The following FAM227A variants were observed in gnomAD, a reference collection of about 807,000 sequenced individuals.
The protein encoded by FAM227A is protein FAM227A.
FAM227A carries 80 observed loss-of-function variants against 74.7 expected under a neutral mutation model. That is an observed-to-expected ratio of 1.07 (90% confidence interval 0.89 to 1.29). FAM227A has a LOEUF of 1.29. Ranked by LOEUF, FAM227A falls within the 50% of genes most tolerant of loss-of-function variation. FAM227A has a pLI of 0.00. For synonymous variants in FAM227A, 237 were observed against 241.8 expected (o/e 0.98, Z 0.19); for missense variants, 654 against 683.4 (o/e 0.96, Z 0.48).
At chr22:38,647,105 T>G (rs2145725545) in intron 2 of FAM227A, among the ~76,000 whole-genome samples, 1 of 151,516 alleles carries the variant, frequency 6.6e-6, no homozygotes, top group East Asian at 2.0e-4. Context: ...GCCAAGATCG[T>G]GCCACGGCAC....
At position 38,650,071 on chromosome 22, in the gene FAM227A, G is replaced by C; in HGVS notation, c.98C>G (p.Thr33Arg). 6.4e-7 allele frequency: 1 copy of C among 1,552,208 alleles called. No individual in the cohort carries two copies. The highest frequency in any genetic ancestry group is 8.7e-7 in the Non-Finnish European group (1 of 1,147,120). Reference protein sequence around the residue: ...HLAVSLVARNTMVKTVRKELE... With the variant: ...HLAVSLVARNRMVKTVRKELE... ...CTCCTTCCTCACAGTCTTCACCATT[G>C]TATTCCGTGCGACAAGCGAGACAGC... The change falls in exon 2 of 17, where the codon ACA becomes AGA. Residue 33 changes from threonine to arginine, a missense_variant. Thr to Arg is a moderately conservative substitution (Grantham distance 71, BLOSUM62 -1). Transcript: ENST00000535113.
intron 15 of FAM227A, among the ~76,000 whole-genome samples, chr22:38,595,290 T>C (rs1483905737): frequency 6.6e-6 from 1 of 152,220 alleles, no homozygotes; most frequent in Admixed American, 6.5e-5. Flanking sequence ...CCCAGTTCTA[T>C]GGAAGGTCCA....
chr22:38,609,738 A>G (rs530823082), intron 11 of FAM227A, among the ~76,000 whole-genome samples: 1 of 152,018 alleles, frequency 6.6e-6, no homozygotes, highest in South Asian at 2.1e-4. Context: ...CCAGGGCTCA[A>G]TGAAGCATCA....
rs777640180 is a variant in FAM227A at position 38,628,336 on chromosome 22, T to A, written c.628A>T (p.Lys210Ter). 111 of 1,549,440 alleles carry A rather than the reference T, an allele frequency of 7.2e-5. No individual in the cohort carries two copies. The highest frequency in any genetic ancestry group is 8.2e-5 in the Non-Finnish European group (94 of 1,145,260). ...TCAAACAGATTATTCTGGAGCTCCT[T>A]GTTTGGCTGCCAGGAATAGAAATGA... is the stretch of plus-strand genomic sequence containing the variant. ...WIFHERYQPN[K>*]ELQNNLFDRI... Residue 210 changes from lysine to a stop codon, truncating the protein, a stop_gained, in exon 8 of 17, where the codon AAG (lysine) becomes TAG (stop). Transcript: ENST00000535113. LOFTEE classifies it high-confidence loss of function.
chr22:38,585,917 T>C lies in FAM227A; in HGVS notation c.*208A>G. 1 of 1,154,004 alleles carries C rather than the reference T, an allele frequency of 8.7e-7. No individual in the cohort carries two copies. The highest frequency in any genetic ancestry group is 1.7e-5 in the South Asian group (1 of 57,648). 71.5% of individuals were successfully genotyped at this position (1,154,004 alleles called of 1,614,324 possible). On this transcript the variant is annotated 3_prime_UTR_variant, in exon 17 of 17. Transcript: ENST00000535113. ...AATACTGAAAGAGTAAATCTATGAA[T>C]AAATGTAGTGACCCAAGCACCAACT...
intron 11 of FAM227A, among the ~76,000 whole-genome samples, chr22:38,612,528 A>G (rs893067530): frequency 2.6e-5 from 4 of 152,028 alleles, no homozygotes; most frequent in Non-Finnish European, 2.9e-5. Context: ...TGGGGTCATT[A>G]CTTGTTACAT....
chr22:38,604,651 ATTTT>A (rs1453565355), intron 13 of FAM227A, among the ~76,000 whole-genome samples: 3 of 151,860 alleles, frequency 2.0e-5, no homozygotes, highest in Non-Finnish European at 2.9e-5. Flanking sequence ...TTTGCTTTTT[ATTTT>A]TTTATTTATT....
chr22:38,603,204 T>C (rs1209697796), intron 13 of FAM227A, among the ~76,000 whole-genome samples: 2 of 152,168 alleles, frequency 1.3e-5, no homozygotes, highest in East Asian at 3.9e-4. Flanking sequence ...TTATTTGCAT[T>C]ACTGTGGGCT....
At position 38,585,113 on chromosome 22, in the gene FAM227A, T is replaced by C. The variant is rs1239228503; in HGVS notation, c.*1012A>G. 1 of 152,146 alleles carries C rather than the reference T, an allele frequency of 6.6e-6. No homozygotes were observed. Among genetic ancestry groups the C allele is most frequent in the East Asian group, 1.9e-4 (1 of 5,186 alleles). 9.4% of individuals were successfully genotyped at this position (152,146 alleles called of 1,614,324 possible). A position where few individuals can be genotyped will look rare whatever the true frequency, so the allele number is the denominator to read the frequency against. On this transcript the variant is annotated 3_prime_UTR_variant, in exon 17 of 17. Transcript: ENST00000535113. The stretch of plus-strand genomic sequence containing the variant: ...CCTGGCCTAATTTAAAATTTTTTAA[T>C]TAAAAAAATTAATTTACATTTAAAT...
Position 38,652,446 on chromosome 22 carries a change from G to A in FAM227A, c.-94-2184C>T, listed in dbSNP as rs574558241. 5.9e-4 allele frequency among the ~76,000 whole-genome samples: 89 copies of A among 151,372 alleles called. No individual in the cohort carries two copies. The Middle Eastern group carries it at 0.014, about 23-fold the overall frequency. ...ACTAAAAAATACAAAAAATTAGCCG[G>A]GCATGGTGGCGGGCACCTACAGTCC... On this transcript the variant is annotated intron_variant, in intron 1 of 16. Coordinates refer to ENST00000535113, the MANE Select transcript of FAM227A (RefSeq NM_001013647.2).
At position 38,645,635 on chromosome 22, in the gene FAM227A, A is replaced by C; in HGVS notation, c.153T>G (p.Ile51Met). The change falls in exon 3 of 17, where the codon ATT becomes ATG. Residue 51 changes from isoleucine (I) to methionine (M), a missense_variant. Ile to Met is a conservative substitution (Grantham distance 10). Transcript: ENST00000535113. The stretch of plus-strand genomic sequence containing the variant: ...TTTGGTTCACCTGGTGCATGGAGCC[A>C]ATAAGGCATGCTGGGAGGTTAGTCT... Reference protein sequence around the residue: ...ELENNPPSCLIGSMHQVNQKI... With the variant: ...ELENNPPSCLMGSMHQVNQKI... 1 of 1,550,712 alleles carries C rather than the reference A, an allele frequency of 6.4e-7. No individual in the cohort carries two copies. Among genetic ancestry groups the C allele is most frequent in the Non-Finnish European group, 8.7e-7 (1 of 1,146,402 alleles).
intron 1 of FAM227A, among the ~76,000 whole-genome samples, chr22:38,654,599 C>T (rs1415743906): frequency 6.6e-6 from 1 of 151,898 alleles, no homozygotes; most frequent in Non-Finnish European, 1.5e-5. Context: ...TGTCACTGCA[C>T]TCCAGCCTGG....
intron 11 of FAM227A, among the ~76,000 whole-genome samples, chr22:38,616,115 G>C (rs1471396320): frequency 3.3e-5 from 5 of 152,200 alleles, no homozygotes; most frequent in African/African-American, 1.2e-4. Context: ...GACAGGACAG[G>C]GAGCTGGCAG....
At chr22:38,608,793 CTTTTTTTTT>C (rs35393303) in intron 11 of FAM227A, among the ~76,000 whole-genome samples, 5 of 97,028 alleles carry the variant, frequency 5.2e-5, no homozygotes, top group South Asian at 3.3e-4. Flanking sequence ...ACCCTTGTTC[CTTTTTTTTT>C]TTTTTTTTTT....
chr22:38,604,452 A>G (rs868822942), intron 13 of FAM227A, among the ~76,000 whole-genome samples: 3 of 152,138 alleles, frequency 2.0e-5, no homozygotes, highest in Middle Eastern at 3.2e-3. Flanking sequence ...TTCTGGTCCC[A>G]CTACACAAGA....
Position 38,582,465 on chromosome 22 carries a change from A to G in FAM227A, c.*3660T>C. ...TTTGCTTTATCCCACATTACAGCAAATGCTTTTTAAATGTTAGTTCCCTTT... is the reference window on the plus strand; with the variant it reads ...TTTGCTTTATCCCACATTACAGCAAGTGCTTTTTAAATGTTAGTTCCCTTT... On this transcript the variant is annotated 3_prime_UTR_variant, in exon 17 of 17. Coordinates refer to ENST00000535113, the MANE Select transcript of FAM227A (RefSeq NM_001013647.2). 1 of 1,523,570 alleles carries G rather than the reference A, an allele frequency of 6.6e-7. No individual in the cohort carries two copies. The highest frequency in any genetic ancestry group is 8.9e-7 in the Non-Finnish European group (1 of 1,124,886). 94.4% of individuals were successfully genotyped at this position (1,523,570 alleles called of 1,614,324 possible).
intron 13 of FAM227A, among the ~76,000 whole-genome samples, chr22:38,604,172 C>T (rs772846940): frequency 2.0e-5 from 3 of 151,846 alleles, no homozygotes; most frequent in Admixed American, 6.6e-5. Flanking sequence ...ATTAAAAATA[C>T]AAAAATTAGC....
chr22:38,622,279 A>C (rs1358572869), intron 10 of FAM227A, among the ~76,000 whole-genome samples: 1 of 152,186 alleles, frequency 6.6e-6, no homozygotes, highest in Non-Finnish European at 1.5e-5. Context: ...AGTCAAGGTG[A>C]GCTGCTTTGT....
At chr22:38,651,717 C>T (rs2092324864) in intron 1 of FAM227A, among the ~76,000 whole-genome samples, 1 of 152,036 alleles carries the variant, frequency 6.6e-6, no homozygotes, top group East Asian at 1.9e-4. Context: ...TAAGTTTTTA[C>T]TGCCATTACT....
Sources: gnomAD v4.1 joint callset for allele counts (sites outside exome capture counted in the v4.1 genomes callset) on GRCh38, gnomAD v4.1.1 for gene constraint, MANE v1.5 for transcripts, NCBI Gene and HGNC (gene_info 2026-07-23, HGNC 2026-07-21) for gene names.